AJUBA: variants seen among roughly 807,000 people sequenced by gnomAD.
AJUBA encodes the protein ajuba LIM protein.
Under a neutral mutation model 53.3 loss-of-function variants are expected in AJUBA, and 20 were observed. The ratio of observed to expected loss-of-function variants is 0.38; its 90% CI spans 0.26 to 0.55. The LOEUF (loss-of-function observed/expected upper bound fraction) is 0.55. Among genes scored for constraint, AJUBA ranks in the 20% least tolerant of loss-of-function variants. The probability of loss-of-function intolerance (pLI) is 0.80; values close to 1 mark genes in which losing one functional copy is unlikely to be tolerated. For missense variants in AJUBA, 580 were observed against 730.5 expected (o/e 0.79, Z 2.38); for synonymous variants, 296 against 306.2 (o/e 0.97, Z 0.35).
Position 22,979,916 on chromosome 14 carries a change from A to T in AJUBA, c.1006+1345T>A, listed in dbSNP as rs142840487. Reference sequence around the variant, plus strand: ...ATGAAACTGCTAAATGGGCCCTGTCATTCAGTCTTCCTTGATCAAAGCGGT... The same window carrying T: ...ATGAAACTGCTAAATGGGCCCTGTCTTTCAGTCTTCCTTGATCAAAGCGGT... On this transcript the variant is annotated intron_variant, in intron 1 of 7. Transcript: ENST00000262713. This position sits in a 1 kb window ranked among gnomAD's most constrained non-coding sequence, Gnocchi z 4.0. Among the ~76,000 whole-genome samples the T allele has an allele frequency of 1.5e-4, 23 of 150,768 alleles. No homozygotes were observed. The highest frequency in any genetic ancestry group is 3.3e-4 in the Admixed American group (5 of 15,086).
chr14:22,977,150 G>A (rs2045044894), intron 2 of AJUBA: 2 of 1,003,596 alleles, frequency 2.0e-6, no homozygotes, highest in Non-Finnish European at 2.4e-6. Context: ...CTCTTTGCCT[G>A]AGCATATCTA....
At chr14:22,980,730 C>T in intron 1 of AJUBA, 1 of 969,170 alleles carries the variant, frequency 1.0e-6, no homozygotes. Flanking sequence ...GATCCCCGAA[C>T]CCCACCCCTC....
Position 22,981,838 on chromosome 14 carries a change from C to G in AJUBA, c.429G>C (p.Leu143=), listed in dbSNP as rs1198244213. ...CTCCGCCAGCCCCCGCCCCGTCCAG[C>G]AGCAGGCTGCCCCGGGGGCTGGACG... ...SKPSSPRGSL[L]LDGAGAGGAG... Residue 143 remains leucine (L), a synonymous_variant, in exon 1 of 8, where the codon CTG becomes CTC. Transcript: ENST00000262713. 5.9e-6 allele frequency: 9 copies of G among 1,533,780 alleles called. No individual in the cohort carries two copies. Among genetic ancestry groups the G allele is most frequent in the Non-Finnish European group, 7.9e-6 (9 of 1,146,008 alleles).
In AJUBA at chr14:22,976,730, G is replaced by A. The variant is rs2045040619; in HGVS notation, c.1109-18C>T. The stretch of plus-strand genomic sequence containing the variant: ...AGTTCGCCCTAGAAACAATAGAGAA[G>A]GGGCTGGAACCTATCCCACAGCCCA... On this transcript the variant is annotated intron_variant, in intron 2 of 7. Transcript: ENST00000262713. 1 of 1,613,382 alleles carries A rather than the reference G, an allele frequency of 6.2e-7. No homozygotes were observed. The highest frequency in any genetic ancestry group is 1.3e-5 in the African/African-American group (1 of 74,898).
In AJUBA at chr14:22,973,251, GTAAA is replaced by G; in HGVS notation, c.*188_*191del. The G allele has an allele frequency of 1.1e-6, 1 of 882,586 alleles. No homozygotes were observed. The highest frequency in any genetic ancestry group is 1.8e-5 in the South Asian group (1 of 56,136). 54.7% of individuals were successfully genotyped at this position (882,586 alleles called of 1,614,324 possible). ...AAAAAGGCCAGTCGCCCCCACCCTG[GTAAA>G]TATAAGGTTTCTCTTCCACAATCCA... On this transcript the variant is annotated 3_prime_UTR_variant, in exon 8 of 8. Coordinates refer to ENST00000262713, the MANE Select transcript of AJUBA (RefSeq NM_032876.6).
In AJUBA at chr14:22,975,105, C is replaced by G; in HGVS notation, c.1240-1G>C. 2 of 1,610,052 alleles carry G rather than the reference C, an allele frequency of 1.2e-6. No individual in the cohort carries two copies. Among genetic ancestry groups the G allele is most frequent in the Non-Finnish European group, 1.7e-6 (2 of 1,177,984 alleles). On this transcript the variant is annotated splice_acceptor_variant, in intron 4 of 7. Transcript: ENST00000262713. LOFTEE classifies it high-confidence loss of function. ...AGGACTTCCCCATTGCTTGTAGGAT[C>G]TGGCTCATGGGGTAGCAAGAGAATC...
At chr14:22,977,184 C>T in intron 2 of AJUBA, 1 of 991,410 alleles carries the variant, frequency 1.0e-6, no homozygotes. Context: ...TGCCTGTCTC[C>T]TTCCAGGGAC....
At chr14:22,974,485 C>T (rs2045015361) in intron 6 of AJUBA, among the ~76,000 whole-genome samples, 1 of 152,156 alleles carries the variant, frequency 6.6e-6, no homozygotes, top group Non-Finnish European at 1.5e-5. Flanking sequence ...ATAGGCACAT[C>T]CCCTACACTC....
At position 22,982,238 on chromosome 14, in the gene AJUBA, C is replaced by CG. The variant is rs1219916138; in HGVS notation, c.28dup (p.Arg10ProfsTer12). 1 of 1,613,988 alleles carries CG rather than the reference C, an allele frequency of 6.2e-7. No individual in the cohort carries two copies. The highest frequency in any genetic ancestry group is 1.1e-5 in the South Asian group (1 of 91,088). On this transcript the variant is annotated frameshift_variant, in exon 1 of 8. Transcript: ENST00000262713. LOFTEE classifies it high-confidence loss of function. Reference sequence around the variant, plus strand: ...TCTGCGGCCGAACTTCTCCAGCAGGCGACTGGCTTTCTCTCCTAACCGCTC... The same window carrying CG: ...TCTGCGGCCGAACTTCTCCAGCAGGCGGACTGGCTTTCTCTCCTAACCGCTC...
chr14:22,975,726 G>C (rs985385130), intron 4 of AJUBA: 1 of 149,178 alleles, frequency 6.7e-6, no homozygotes, highest in Non-Finnish European at 1.5e-5. Context: ...AGCCGGGCAT[G>C]TGGCGGGCGC....
At chr14:22,981,174 G>A (rs2045087862) in intron 1 of AJUBA, 87 bp downstream of exon 1, 2 of 1,477,388 alleles carry the variant, frequency 1.4e-6, no homozygotes, top group Non-Finnish European at 1.8e-6. Flanking sequence ...CGGACCCCGG[G>A]GCACCGGCAC....
Position 22,978,985 on chromosome 14 carries a change from G to C in AJUBA, c.1007-540C>G, listed in dbSNP as rs182119710. On this transcript the variant is annotated intron_variant, in intron 1 of 7. Transcript: ENST00000262713. ...GCAGACTTCCAAGGATGGAGAAAAG[G>C]ATCTGGCTTGGCAGAGGGCTCCGTG... is the stretch of plus-strand genomic sequence containing the variant. 3.6e-3 allele frequency: 4,615 copies of C among 1,289,210 alleles called. 10 individuals carry two copies. Among genetic ancestry groups the C allele is most frequent in the Non-Finnish European group, 4.4e-3 (4,357 of 988,702 alleles). The allele number at this position is 1,289,210 out of a possible 1,614,324, so 79.9% of individuals were successfully genotyped here.
Position 22,976,538 on chromosome 14 carries a change from G to T in AJUBA, c.1177-20C>A, listed in dbSNP as rs775515334. 2 of 1,613,884 alleles carry T rather than the reference G, an allele frequency of 1.2e-6. No homozygotes were observed. The stretch of plus-strand genomic sequence containing the variant: ...TGAAAACTAAAGTAAAAGACAAGAC[G>T]AACGGAGGCTGTTATCAAACTGAGA... On this transcript the variant is annotated intron_variant, in intron 3 of 7. Coordinates refer to ENST00000262713, the MANE Select transcript of AJUBA (RefSeq NM_032876.6).
Position 22,981,512 on chromosome 14 carries a change from A to C in AJUBA, c.755T>G (p.Leu252Trp), listed in dbSNP as rs2045094936. 1 of 1,581,402 alleles carries C rather than the reference A, an allele frequency of 6.3e-7. No individual in the cohort carries two copies. Residue 252 changes from leucine to tryptophan, a missense_variant, in exon 1 of 8, where the codon TTG (leucine) becomes TGG (tryptophan). By Grantham distance (61) the Leu-to-Trp change is moderately conservative. Around this residue, in one of 2 missense-constraint regions of AJUBA, gnomAD observed 430 missense variants for 471.5 expected, o/e 0.91. Coordinates refer to ENST00000262713, the MANE Select transcript of AJUBA (RefSeq NM_032876.6). ...TCCGGGTTGCGCCCCCCGTCTCTCC[A>C]AGGGCCCCGCCGCTCCCACTCCGGC... ...AGAGVGAAGPLERRGAQPGRH... is the reference protein window; with the variant it reads ...AGAGVGAAGPWERRGAQPGRH...
At chr14:22,978,299 T>G in intron 2 of AJUBA, 45 bp downstream of exon 2, 1 of 1,549,356 alleles carries the variant, frequency 6.5e-7, no homozygotes, top group South Asian at 1.1e-5. Flanking sequence ...TAAGTGTGTA[T>G]GTGGGCAGGG....
intron 2 of AJUBA, 112 bp from the exon 3 acceptor site, chr14:22,976,824 T>C (rs2045041593): frequency 6.7e-7 from 1 of 1,491,686 alleles, no homozygotes; most frequent in South Asian, 1.4e-5. Flanking sequence ...CTTTGTGCTT[T>C]TCCTCCTAAC....
At position 22,981,636 on chromosome 14, in the gene AJUBA, G is replaced by T; in HGVS notation, c.631C>A (p.Leu211Met). ...GGCCGCTGAGCGTACAATCGGTCCA[G>T]GGCGGCGTGGAGCTCCGGGTAGGCG... ...PSAYPELHAALDRLYAQRPAG... is the reference protein window; with the variant it reads ...PSAYPELHAAMDRLYAQRPAG... Residue 211 changes from leucine (L) to methionine (M), a missense_variant, in exon 1 of 8, where the codon CTG (leucine) becomes ATG (methionine). By Grantham distance (15) the Leu-to-Met change is conservative. This residue lies in a region of AJUBA where 430 missense variants were observed against 471.5 expected (regional missense o/e 0.91). Transcript: ENST00000262713. 1 of 1,520,766 alleles carries T rather than the reference G, an allele frequency of 6.6e-7. No homozygotes were observed. The highest frequency in any genetic ancestry group is 2.4e-5 in the East Asian group (1 of 41,378). 94.2% of individuals were successfully genotyped at this position (1,520,766 alleles called of 1,614,324 possible).
chr14:22,976,106 T>C (rs945298078), intron 4 of AJUBA, among the ~76,000 whole-genome samples: 1 of 137,870 alleles, frequency 7.3e-6, no homozygotes, highest in Admixed American at 8.2e-5. Context: ...GAGGTTGCAG[T>C]GAGCCGAGAT....
chr14:22,973,929 C>A, intron 7 of AJUBA, 118 bp downstream of exon 7: 1 of 1,196,282 alleles, frequency 8.4e-7, no homozygotes, highest in Non-Finnish European at 1.2e-6. Flanking sequence ...GTCACAATAT[C>A]TTTCTGGTTT....
Sources: allele counts gnomAD v4.1 joint callset (sites outside exome capture counted in the v4.1 genomes callset), GRCh38; gene constraint gnomAD v4.1.1; regional missense constraint gnomAD v4.1.1; non-coding constraint Gnocchi (gnomAD v3.1); transcripts MANE v1.5; gene names NCBI Gene and HGNC (gene_info 2026-07-23, HGNC 2026-07-21).